The following ZNF879 variants were observed in gnomAD, a reference collection of about 807,000 sequenced individuals.
The protein encoded by ZNF879 is zinc finger protein 879.
ZNF879 carries 32 observed loss-of-function variants against 44.3 expected under a neutral mutation model. That is an observed-to-expected ratio of 0.72 (90% confidence interval 0.54 to 0.97). ZNF879 has a LOEUF of 0.97. Ranked by LOEUF, ZNF879 falls within the 50% of genes least tolerant of loss-of-function variation. The pLI, the probability that ZNF879 is intolerant of heterozygous loss-of-function variation, is 0.00. For synonymous variants in ZNF879, 234 were observed against 233.2 expected (o/e 1.00, Z -0.03); for missense variants, 621 against 669.7 (o/e 0.93, Z 0.80).
Position 179,033,759 on chromosome 5 carries a change from G to A in ZNF879, c.*119G>A. 2.9e-6 allele frequency: 2 copies of A among 699,820 alleles called. No homozygotes were observed. The highest frequency in any genetic ancestry group is 4.6e-5 in the South Asian group (2 of 43,254). 43.4% of individuals were successfully genotyped at this position (699,820 alleles called of 1,614,324 possible). On this transcript the variant is annotated 3_prime_UTR_variant, in exon 5 of 5. Transcript: ENST00000444149. ...AATCATAGGTAAAACTTCAGCATTAGACCTCATCACACATCAGAGACTTCA... is the reference window on the plus strand; with the variant it reads ...AATCATAGGTAAAACTTCAGCATTAAACCTCATCACACATCAGAGACTTCA...
At chr5:179,032,135 C>A in intron 4 of ZNF879, 70 bp from the exon 5 acceptor site, 1 of 1,143,860 alleles carries the variant, frequency 8.7e-7, no homozygotes, top group Non-Finnish European at 1.2e-6. Context: ...TTTAACTATC[C>A]TTGTGCGTTT....
At position 179,023,877 on chromosome 5, in the gene ZNF879, T is replaced by A. The variant is rs1761176465; in HGVS notation, c.-63T>A. 1 of 152,386 alleles carries A rather than the reference T, an allele frequency of 6.6e-6. No individual in the cohort carries two copies. 9.4% of individuals were successfully genotyped at this position (152,386 alleles called of 1,614,324 possible). On this transcript the variant is annotated 5_prime_UTR_variant, in exon 1 of 5. Transcript: ENST00000444149. ...GCTCGCCTCTTGTGCGGTGTGGAGC[T>A]GCGCGCCCCCCGCCGAGGCGGGCCC... is the stretch of plus-strand genomic sequence containing the variant.
intron 4 of ZNF879, among the ~76,000 whole-genome samples, chr5:179,031,828 T>C (rs1761425435): frequency 6.6e-6 from 1 of 152,238 alleles, no homozygotes; most frequent in Admixed American, 6.5e-5. Flanking sequence ...GGAGCTCTTC[T>C]CTTTCATTTA....
chr5:179,028,036 T>G lies in ZNF879; in HGVS notation c.165T>G (p.Ile55Met), dbSNP rs1761317490. 3 of 1,551,408 alleles carry G rather than the reference T, an allele frequency of 1.9e-6. No individual in the cohort carries two copies. The African/African-American group carries it at 4.1e-5, about 21-fold the overall frequency. Residue 55 changes from isoleucine (I) to methionine (M), a missense_variant, in exon 4 of 5, where the codon ATT (isoleucine) becomes ATG (methionine). By Grantham distance (10) the Ile-to-Met change is conservative. Transcript: ENST00000444149. Reference protein sequence around the residue: ...ENYSILVSLGILFSKPKVISQ... With the variant: ...ENYSILVSLGMLFSKPKVISQ... ...TTCTTTCTTGTTCATGAACAGGGAT[T>G]CTCTTTTCCAAGCCAAAGGTCATCT... is the stretch of plus-strand genomic sequence containing the variant.
intron 4 of ZNF879, among the ~76,000 whole-genome samples, chr5:179,028,850 T>C (rs1018758730): frequency 5.9e-5 from 9 of 152,184 alleles, no homozygotes; most frequent in Non-Finnish European, 1.2e-4. Context: ...GAGGCCTCTG[T>C]TGAGCTTTAC....
At chr5:179,027,452 G>A in intron 2 of ZNF879, 21 bp from the exon 3 acceptor site, 1 of 1,613,310 alleles carries the variant, frequency 6.2e-7, no homozygotes, top group Non-Finnish European at 8.5e-7. Flanking sequence ...TGGATGAACA[G>A]GAGTGGGTTT....
At chr5:179,028,292 G>A (rs1761325524) in intron 4 of ZNF879, among the ~76,000 whole-genome samples, 165 bp downstream of exon 4, 1 of 152,104 alleles carries the variant, frequency 6.6e-6, no homozygotes, top group Admixed American at 6.5e-5. Flanking sequence ...TTCAGAGGAG[G>A]GTTGAATTCT....
rs777974953 is a variant in ZNF879, at chr5:179,033,215, A to G, written c.1267A>G (p.Thr423Ala). Residue 423 changes from threonine to alanine, a missense_variant, in exon 5 of 5, where the codon ACT (threonine) becomes GCT (alanine). Coordinates refer to ENST00000444149, the MANE Select transcript of ZNF879 (RefSeq NM_001136116.3). ...TCTCATACAACATCAAAGAATTCAC[A>G]CTGGAGAAAAACCCTACAAATGTAA... Reference protein sequence around the residue: ...SALIQHQRIHTGEKPYKCNEC... With the variant: ...SALIQHQRIHAGEKPYKCNEC... 6.3e-7 allele frequency: 1 copy of G among 1,595,464 alleles called. No individual in the cohort carries two copies. Among genetic ancestry groups the G allele is most frequent in the Non-Finnish European group, 8.5e-7 (1 of 1,170,636 alleles).
At chr5:179,025,589 T>C (rs960377155) in intron 2 of ZNF879, among the ~76,000 whole-genome samples, 11 of 152,166 alleles carry the variant, frequency 7.2e-5, no homozygotes, top group Admixed American at 2.6e-4. Context: ...TTTTGCCCTG[T>C]GGAGGACAAA....
chr5:179,027,440 C>A (rs1241372308), intron 2 of ZNF879, 33 bp from the exon 3 acceptor site: 4 of 1,611,618 alleles, frequency 2.5e-6, no homozygotes, highest in Admixed American at 1.7e-5. Flanking sequence ...TGGGGACAGT[C>A]CTGGATGAAC....
intron 1 of ZNF879, 40 bp from the exon 2 acceptor site, chr5:179,024,930 G>C: frequency 6.7e-7 from 1 of 1,494,780 alleles, no homozygotes; most frequent in East Asian, 2.5e-5. Flanking sequence ...GGGCATGCAG[G>C]CTGGATGAAA....
At chr5:179,032,184 T>C (rs1451207167) in intron 4 of ZNF879, 21 bp from the exon 5 acceptor site, 2 of 1,463,180 alleles carry the variant, frequency 1.4e-6, no homozygotes, top group African/African-American at 1.4e-5. Flanking sequence ...AAGAGAGACT[T>C]ATATGTTTTG....
rs1166012576 is a variant in ZNF879 at position 179,032,536 on chromosome 5, G to T, written c.588G>T (p.Gly196=). 1 of 1,551,672 alleles carries T rather than the reference G, an allele frequency of 6.4e-7. No individual in the cohort carries two copies. The highest frequency in any genetic ancestry group is 2.4e-5 in the East Asian group (1 of 40,904). Reference sequence around the variant, plus strand: ...ATTCAGTTCTCTTTAAACAACTGGGGGTCAACACAGTGCGTAAATGTTATA... The same window carrying T: ...ATTCAGTTCTCTTTAAACAACTGGGTGTCAACACAGTGCGTAAATGTTATA... ...QQYSVLFKQL[G]VNTVRKCYKC... The change falls in exon 5 of 5, where the codon GGG becomes GGT. Residue 196 remains glycine, a synonymous_variant. Coordinates refer to ENST00000444149, the MANE Select transcript of ZNF879 (RefSeq NM_001136116.3).
At chr5:179,027,892 G>C in intron 3 of ZNF879, 140 bp from the exon 4 acceptor site, 2 of 778,672 alleles carry the variant, frequency 2.6e-6, no homozygotes, top group Non-Finnish European at 4.2e-6. Flanking sequence ...ACCATCTCCT[G>C]GTTGTCCTCT....
intron 4 of ZNF879, among the ~76,000 whole-genome samples, chr5:179,031,508 C>T (rs1761419169): frequency 6.6e-6 from 1 of 152,210 alleles, no homozygotes; most frequent in African/African-American, 2.4e-5. Context: ...TTCATTTTCT[C>T]ATCACCCAGT....
Position 179,032,462 on chromosome 5 carries a change from A to G in ZNF879, c.514A>G (p.Arg172Gly). The G allele has an allele frequency of 6.4e-7, 1 of 1,551,714 alleles. No homozygotes were observed. Among genetic ancestry groups the G allele is most frequent in the Middle Eastern group, 1.7e-4 (1 of 5,992 alleles). ...KNLGLKSSLI[R>G]KPRIVSRGRR... Reference sequence around the variant, plus strand: ...TCTTGGTCTAAAATCATCGCTTATTAGAAAACCGAGAATAGTTTCCAGAGG... The same window carrying G: ...TCTTGGTCTAAAATCATCGCTTATTGGAAAACCGAGAATAGTTTCCAGAGG... The change falls in exon 5 of 5, where the codon AGA becomes GGA. Residue 172 changes from arginine to glycine, a missense_variant. By Grantham distance (125) the Arg-to-Gly change is moderately radical. Transcript: ENST00000444149.
intron 2 of ZNF879, among the ~76,000 whole-genome samples, chr5:179,026,660 A>T (rs1761279551): frequency 6.6e-6 from 1 of 152,074 alleles, no homozygotes; most frequent in African/African-American, 2.4e-5. Context: ...TTAAAAAAAA[A>T]TTATTTTTTG....
At chr5:179,024,830 C>T (rs1303930623) in intron 1 of ZNF879, 140 bp from the exon 2 acceptor site, 1 of 631,774 alleles carries the variant, frequency 1.6e-6, no homozygotes, top group South Asian at 2.0e-5. Flanking sequence ...AGTGGCCGGA[C>T]TTAGGGCCCC....
intron 2 of ZNF879, among the ~76,000 whole-genome samples, chr5:179,026,623 C>T (rs553433709): frequency 2.6e-5 from 4 of 152,324 alleles, no homozygotes; most frequent in East Asian, 1.9e-4. Context: ...ACCGGGACTA[C>T]AGGCGCATGC....
Sources: gnomAD v4.1 joint callset for allele counts (sites outside exome capture counted in the v4.1 genomes callset) on GRCh38, gnomAD v4.1.1 for gene constraint, MANE v1.5 for transcripts, NCBI Gene and HGNC (gene_info 2026-07-23, HGNC 2026-07-21) for gene names.